SORBS2: variants seen among roughly 807,000 people sequenced by gnomAD.
SORBS2 encodes sorbin and SH3 domain-containing protein 2.
In SORBS2, 46 loss-of-function variants were observed where a neutral mutation model predicts 97.7. The observed-to-expected ratio is 0.47, with a 90% CI of 0.37 to 0.60. The LOEUF (loss-of-function observed/expected upper bound fraction) is 0.60. SORBS2 is among the 20% of genes least tolerant of loss of function. The pLI is 0.00. For synonymous variants in SORBS2, 476 were observed against 473.4 expected (o/e 1.01, Z -0.07); for missense variants, 1,316 against 1,282.3 (o/e 1.03, Z -0.40).
intron 4 of SORBS2, among the ~76,000 whole-genome samples, chr4:185,643,574 A>G (rs2097162156): frequency 6.6e-6 from 1 of 152,138 alleles, no homozygotes; most frequent in South Asian, 2.1e-4. Flanking sequence ...GGTGGCTGTC[A>G]CTGTAGCCCA....
At chr4:185,797,093 C>A (rs1279189570) in intron 1 of SORBS2, among the ~76,000 whole-genome samples, 3 of 152,360 alleles carry the variant, frequency 2.0e-5, no homozygotes, top group Middle Eastern at 3.4e-3. Context: ...GCCACGGGTA[C>A]CCCCAGATTT....
chr4:185,756,162 C>T (rs1050807069), intron 2 of SORBS2, among the ~76,000 whole-genome samples: 4 of 152,072 alleles, frequency 2.6e-5, no homozygotes, highest in Admixed American at 6.5e-5. Flanking sequence ...CCAAGAAAAT[C>T]GAATACAAGA....
rs115651262 is a variant in SORBS2 at position 185,895,609 on chromosome 4, C to T, written c.-338+60587G>A. ...CCCAGTGCCCGGCTGCCTTCTTGCT[C>T]AGAGTCAGGTCTCAGTGTCTGTGGT... is the stretch of plus-strand genomic sequence containing the variant. On this transcript the variant is annotated intron_variant, in intron 1 of 20. Coordinates refer to the SORBS2 transcript ENST00000284776. Among the ~76,000 whole-genome samples, 382 of 152,332 alleles carry T rather than the reference C, an allele frequency of 2.5e-3. 3 individuals carry two copies. Among genetic ancestry groups the T allele is most frequent in the African/African-American group, 8.9e-3 (371 of 41,590 alleles).
intron 1 of SORBS2, among the ~76,000 whole-genome samples, chr4:185,786,317 A>G (rs2099056189): frequency 1.3e-5 from 2 of 152,240 alleles, no homozygotes; most frequent in African/African-American, 2.4e-5. Flanking sequence ...AGAAGGCTAA[A>G]GAGGAAAGGT....
chr4:185,589,527 G>A, intron 14 of SORBS2, 152 bp downstream of exon 26: 1 of 604,874 alleles, frequency 1.7e-6, no homozygotes, highest in South Asian at 2.0e-5. Context: ...AAATGCAATA[G>A]CCTTGGGATT....
chr4:185,832,651 G>C lies in SORBS2; in HGVS notation c.-337-57285C>G, dbSNP rs1298211869. Among the ~76,000 whole-genome samples the C allele has an allele frequency of 2.6e-5, 4 of 152,126 alleles. No homozygotes were observed. The South Asian group carries it at 6.2e-4, about 24-fold the overall frequency. ...TATCTTAAAGTTACTCTCATCCCAA[G>C]CTTAAAATTGGTCTAGGATGTGCAC... On this transcript the variant is annotated intron_variant, in intron 1 of 20. Coordinates refer to the SORBS2 transcript ENST00000284776.
intron 2 of SORBS2, among the ~76,000 whole-genome samples, chr4:185,702,196 C>A (rs893638533): frequency 2.6e-5 from 4 of 152,090 alleles, no homozygotes; most frequent in African/African-American, 7.2e-5. Context: ...GGTTATTTGG[C>A]TCTCGGTTCT....
chr4:185,589,947 T>G (rs1580384714), intron 13 of SORBS2, 162 bp from the exon 26 acceptor site: 2 of 540,908 alleles, frequency 3.7e-6, no homozygotes, highest in Non-Finnish European at 6.6e-6. Context: ...TATTGGATGG[T>G]ACAAGCCTGG....
intron 2 of SORBS2, among the ~76,000 whole-genome samples, chr4:185,732,074 A>G (rs1220715422): frequency 6.6e-6 from 1 of 151,832 alleles, no homozygotes; most frequent in Non-Finnish European, 1.5e-5. Context: ...GCACATGTGA[A>G]ACCTGATTTA....
intron 2 of SORBS2, among the ~76,000 whole-genome samples, chr4:185,725,966 C>T (rs1193859330): frequency 1.3e-5 from 2 of 151,898 alleles, no homozygotes; most frequent in Non-Finnish European, 2.9e-5. Flanking sequence ...CTTTTTGTTG[C>T]TCCTTTTTTT....
intron 4 of SORBS2, chr4:185,666,108 G>A (rs1288379213): frequency 8.5e-6 from 11 of 1,289,790 alleles, no homozygotes; most frequent in Middle Eastern, 2.1e-4. Flanking sequence ...AAGGTACCAC[G>A]GAAGGAGGGC....
intron 2 of SORBS2, among the ~76,000 whole-genome samples, chr4:185,731,909 T>TATA (rs1491340120): frequency 1.7e-4 from 17 of 97,608 alleles, no homozygotes; most frequent in South Asian, 6.3e-4. Context: ...TATATATATA[T>TATA]GTCTGTTTCT....
intron 2 of SORBS2, among the ~76,000 whole-genome samples, chr4:185,713,463 C>T (rs2098440808): frequency 6.6e-6 from 1 of 152,194 alleles, no homozygotes; most frequent in African/African-American, 2.4e-5. Context: ...CAGAGACTTT[C>T]ATCAGGAGAA....
At chr4:185,855,587 C>T (rs898168416) in intron 1 of SORBS2, among the ~76,000 whole-genome samples, 2 of 152,178 alleles carry the variant, frequency 1.3e-5, no homozygotes, top group Non-Finnish European at 2.9e-5. Flanking sequence ...CTCTGAAAAA[C>T]CATTCGGGAA....
chr4:185,858,919 T>C (rs552122734), intron 1 of SORBS2, among the ~76,000 whole-genome samples: 7 of 152,360 alleles, frequency 4.6e-5, no homozygotes, highest in African/African-American at 1.2e-4. Flanking sequence ...ACAGTCTCTA[T>C]TGATGCCTTG....
chr4:185,748,456 C>T (rs753387911), intron 2 of SORBS2, among the ~76,000 whole-genome samples: 8 of 152,114 alleles, frequency 5.3e-5, no homozygotes, highest in Admixed American at 1.3e-4. Flanking sequence ...TGGAGTAAGG[C>T]GAGCTGGGAA....
chr4:185,619,017 A>C (rs968366019), intron 8 of SORBS2, among the ~76,000 whole-genome samples: 2 of 152,342 alleles, frequency 1.3e-5, no homozygotes, highest in East Asian at 3.9e-4. Context: ...TCTGAATCAT[A>C]ATAAAAGGAC....
intron 4 of SORBS2, among the ~76,000 whole-genome samples, chr4:185,669,876 A>G (rs76911803): frequency 0.012 from 1,806 of 152,264 alleles, 40 homozygotes; most frequent in African/African-American, 0.04. Flanking sequence ...ACAATTTCCA[A>G]TTAACTGATG....
chr4:185,858,350 C>A (rs1346730190), intron 1 of SORBS2, among the ~76,000 whole-genome samples: 1 of 152,226 alleles, frequency 6.6e-6, no homozygotes, highest in Non-Finnish European at 1.5e-5. Flanking sequence ...GCCCCCAGAA[C>A]TGTGAGCTAA....
Sources: gnomAD v4.1 joint callset for allele counts (sites outside exome capture counted in the v4.1 genomes callset) on GRCh38, gnomAD v4.1.1 for gene constraint, MANE v1.5 for transcripts, NCBI Gene and HGNC (gene_info 2026-07-23, HGNC 2026-07-21) for gene names.